DNAH3: variants seen among roughly 807,000 people sequenced by gnomAD.
DNAH3 encodes dynein axonemal heavy chain 3, also known as axonemal beta dynein heavy chain 3.
In DNAH3, 332 loss-of-function variants were observed where a neutral mutation model predicts 432.5. The ratio of observed to expected loss-of-function variants is 0.77; its 90% CI spans 0.70 to 0.84. DNAH3 has a LOEUF of 0.84. Ranked by LOEUF, DNAH3 falls within the 40% of genes least tolerant of loss-of-function variation. DNAH3 has a pLI of 0.00. For missense variants in DNAH3, 4,861 were observed against 5,114.0 expected (o/e 0.95, Z 1.51); for synonymous variants, 1,956 against 1,900.2 (o/e 1.03, Z -0.76).
At chr16:21,159,206 G>A in intron 1 of DNAH3, 1 of 968,930 alleles carries the variant, frequency 1.0e-6, no homozygotes, top group Non-Finnish European at 1.7e-6. Context: ...GCTGCAGAGA[G>A]ATCTGCAAGT....
At chr16:20,977,239 C>T (rs2085635419) in intron 50 of DNAH3, among the ~76,000 whole-genome samples, 1 of 152,020 alleles carries the variant, frequency 6.6e-6, no homozygotes, top group Non-Finnish European at 1.5e-5. Context: ...TAGCCAGGCG[C>T]TGTGGCACGT....
chr16:21,110,268 C>A (rs79205931), intron 14 of DNAH3, among the ~76,000 whole-genome samples: 1,534 of 152,294 alleles, frequency 0.01, 31 homozygotes, highest in African/African-American at 0.034. Flanking sequence ...GTGTTGACAC[C>A]CATCCCAGAG....
exon 19 of DNAH3, chr16:21,086,913 T>C: frequency 3.7e-6 from 6 of 1,614,218 alleles, no homozygotes; most frequent in Non-Finnish European, 5.1e-6. Flanking sequence ...AATGTACTGC[T>C]TGAACTTATC....
chr16:21,138,883 C>T (rs768784902), intron 5 of DNAH3, among the ~76,000 whole-genome samples: 17 of 152,082 alleles, frequency 1.1e-4, no homozygotes, highest in Non-Finnish European at 2.4e-4. Flanking sequence ...GTCTCCTACC[C>T]TGTAGCCCTA....
chr16:21,125,096 G>T (rs957483237), intron 9 of DNAH3, 79 bp downstream of exon 10: 7 of 1,223,288 alleles, frequency 5.7e-6, no homozygotes, highest in Admixed American at 2.4e-5. Context: ...AGCTGAGGAC[G>T]TACATGACAG....
intron 7 of DNAH3, among the ~76,000 whole-genome samples, chr16:21,131,620 C>G (rs1248868897): frequency 6.6e-6 from 1 of 151,768 alleles, no homozygotes; most frequent in Non-Finnish European, 1.5e-5. Flanking sequence ...GAGGCTGAGG[C>G]AGGTGGATCA....
chr16:21,056,362 C>A (rs2090132255), intron 27 of DNAH3, among the ~76,000 whole-genome samples: 1 of 151,596 alleles, frequency 6.6e-6, no homozygotes, highest in Non-Finnish European at 1.5e-5. Flanking sequence ...CTTACTCTTT[C>A]CTTCCTTCTT....
At chr16:21,097,007 A>G (rs1410432831) in intron 18 of DNAH3, among the ~76,000 whole-genome samples, 3 of 152,136 alleles carry the variant, frequency 2.0e-5, no homozygotes, top group African/African-American at 7.2e-5. Flanking sequence ...CCCAGATCCT[A>G]GAGTAAAAGG....
At position 21,145,363 on chromosome 16, in the gene DNAH3, G is replaced by T. The variant is rs138032546; in HGVS notation, c.266C>A (p.Thr89Lys). 10 of 1,614,170 alleles carry T rather than the reference G, an allele frequency of 6.2e-6. No homozygotes were observed. The highest frequency in any genetic ancestry group is 1.7e-5 in the Admixed American group (1 of 60,018). ...GAAGGGTGCAGCCAAGGTCCATGAC[G>T]TGCGTTGCATCAAGGGCGGGTAAAA... The change falls in exon 3 of 62, where the codon ACG becomes AAG. Residue 89 changes from threonine (T) to lysine (K), a missense_variant. Thr to Lys is a moderately conservative substitution (Grantham distance 78). Transcript: ENST00000261383.
chr16:20,960,634 G>C (rs1276874617), intron 53 of DNAH3, among the ~76,000 whole-genome samples: 2 of 152,182 alleles, frequency 1.3e-5, no homozygotes, highest in South Asian at 4.1e-4. Context: ...CCTGGGAAGA[G>C]GCGGAGGTTG....
intron 1 of DNAH3, among the ~76,000 whole-genome samples, chr16:21,149,674 T>C (rs941168096): frequency 6.6e-6 from 1 of 152,208 alleles, no homozygotes; most frequent in African/African-American, 2.4e-5. Flanking sequence ...CTCCCCAGAA[T>C]ATTCTAATGT....
In DNAH3 at chr16:21,049,701, T is replaced by G; in HGVS notation, c.4348-19A>C. Reference sequence around the variant, plus strand: ...CCACACACTAGAAAGAGGGAGGATGTGGGTATCATTCAGGGTGGATTCCAT... The same window carrying G: ...CCACACACTAGAAAGAGGGAGGATGGGGGTATCATTCAGGGTGGATTCCAT... On this transcript the variant is annotated intron_variant, in intron 30 of 61. Coordinates refer to ENST00000261383, the Ensembl canonical transcript of DNAH3. 1 of 1,606,022 alleles carries G rather than the reference T, an allele frequency of 6.2e-7. No individual in the cohort carries two copies.
intron 18 of DNAH3, among the ~76,000 whole-genome samples, chr16:21,091,411 C>T (rs2091531411): frequency 1.3e-5 from 2 of 151,280 alleles, no homozygotes; most frequent in Admixed American, 6.6e-5. Flanking sequence ...CCAGAATCAA[C>T]AAAACAAACT....
chr16:20,963,396 C>T (rs1270420273), exon 53 of DNAH3: 4 of 1,614,020 alleles, frequency 2.5e-6, no homozygotes, highest in Non-Finnish European at 3.4e-6. Context: ...ACAGCTTTCC[C>T]ATATGTTCAG....
At chr16:21,071,733 T>C (rs2090791261) in intron 21 of DNAH3, among the ~76,000 whole-genome samples, 1 of 152,048 alleles carries the variant, frequency 6.6e-6, no homozygotes, top group Non-Finnish European at 1.5e-5. Flanking sequence ...AAAAATTTTT[T>C]TTTTAAAAAG....
exon 53 of DNAH3, chr16:20,964,931 C>A: frequency 6.2e-7 from 1 of 1,614,226 alleles, no homozygotes; most frequent in South Asian, 1.1e-5. Context: ...AGCTGTCGGG[C>A]AGCTTCGGTC....
chr16:20,941,019 G>A (rs2083786356), intron 59 of DNAH3, among the ~76,000 whole-genome samples: 1 of 152,168 alleles, frequency 6.6e-6, no homozygotes, highest in Non-Finnish European at 1.5e-5. Context: ...AGGACTGCTT[G>A]AGCCCAGGAG....
chr16:21,150,491 G>C (rs1483349900), intron 1 of DNAH3: 1 of 332,078 alleles, frequency 3.0e-6, no homozygotes, highest in African/African-American at 2.2e-5. Context: ...TGTTCATGAG[G>C]TTGCCTCTCT....
chr16:21,152,829 T>C (rs2092869733), intron 1 of DNAH3, among the ~76,000 whole-genome samples: 1 of 152,218 alleles, frequency 6.6e-6, no homozygotes, highest in Admixed American at 6.5e-5. Flanking sequence ...TTAGCTGCCT[T>C]CCCGCGGGGC....
Sources: gnomAD v4.1 joint callset for allele counts (sites outside exome capture counted in the v4.1 genomes callset) on GRCh38, gnomAD v4.1.1 for gene constraint, MANE v1.5 for transcripts, NCBI Gene and HGNC (gene_info 2026-07-23, HGNC 2026-07-21) for gene names.